The following SORCS3 variants were observed in gnomAD, a reference collection of about 807,000 sequenced individuals.
The protein encoded by SORCS3 is VPS10 domain-containing receptor SorCS3.
In SORCS3, 57 loss-of-function variants were observed where a neutral mutation model predicts 146.3. That is an observed-to-expected ratio of 0.39 (90% CI 0.31 to 0.49). SORCS3 has a LOEUF of 0.49. Among genes scored for constraint, SORCS3 ranks in the 20% least tolerant of loss-of-function variants. SORCS3 has a pLI of 0.92. For synonymous variants in SORCS3, 653 were observed against 618.5 expected, an observed-to-expected ratio of 1.06 and a Z score of -0.83; for missense variants, 1,341 against 1,575.5, an observed-to-expected ratio of 0.85 and a Z score of 2.52.
intron 20 of SORCS3, among the ~76,000 whole-genome samples, chr10:105,231,223 G>T (rs955924086): frequency 6.6e-6 from 1 of 152,138 alleles, no homozygotes; most frequent in Admixed American, 6.5e-5. Flanking sequence ...CACTATTTTT[G>T]TTTCTTCTTT....
intron 4 of SORCS3, among the ~76,000 whole-genome samples, chr10:104,985,885 A>C (rs1398138238): frequency 6.6e-6 from 1 of 152,208 alleles, no homozygotes; most frequent in Non-Finnish European, 1.5e-5. Context: ...ATGTGCTGTC[A>C]TGCAGGCTTT....
chr10:105,032,386 A>G (rs1377221919), intron 4 of SORCS3, among the ~76,000 whole-genome samples: 1 of 152,166 alleles, frequency 6.6e-6, no homozygotes, highest in Non-Finnish European at 1.5e-5. Context: ...TCAGTTAACC[A>G]CTACAACATA....
At chr10:104,724,821 C>T (rs935617806) in intron 1 of SORCS3, among the ~76,000 whole-genome samples, 1 of 152,208 alleles carries the variant, frequency 6.6e-6, no homozygotes, top group Non-Finnish European at 1.5e-5. Context: ...TGGTTTTCAG[C>T]TCCATCAGGT....
chr10:105,165,483 T>G (rs2056304771), intron 12 of SORCS3, among the ~76,000 whole-genome samples: 1 of 152,062 alleles, frequency 6.6e-6, no homozygotes, highest in African/African-American at 2.4e-5. Flanking sequence ...CCCCATTGCC[T>G]CCAGTGTCAG....
chr10:105,233,243 C>A (rs2930465), intron 20 of SORCS3, among the ~76,000 whole-genome samples: 152,199 of 152,216 alleles, frequency 1, 76,091 homozygotes, highest in Middle Eastern at 1. Flanking sequence ...AAAAATAATT[C>A]TAAATTCTTG....
At position 104,729,465 on chromosome 10, in the gene SORCS3, A is replaced by G. The variant is rs2016681505; in HGVS notation, c.627+87511A>G. ...TTCCTTTAATCAATGACAAAGAAAG[A>G]AATATGTAGGTGACATGAAGATGGG... On this transcript the variant is annotated intron_variant, in intron 1 of 26. Coordinates refer to ENST00000369701, the MANE Select transcript of SORCS3 (RefSeq NM_014978.3). Among the ~76,000 whole-genome samples, 3 of 152,248 alleles carry G rather than the reference A, an allele frequency of 2.0e-5. No individual in the cohort carries two copies. In the South Asian group the frequency reaches 6.2e-4, roughly 32 times the overall value.
chr10:105,070,850 G>A (rs1321329848), intron 5 of SORCS3, among the ~76,000 whole-genome samples: 1 of 152,196 alleles, frequency 6.6e-6, no homozygotes, highest in Non-Finnish European at 1.5e-5. Context: ...CTCAGCAAGT[G>A]AACAAATTGA....
At chr10:104,694,787 G>A (rs2016154460) in intron 1 of SORCS3, among the ~76,000 whole-genome samples, 1 of 152,164 alleles carries the variant, frequency 6.6e-6, no homozygotes, top group Non-Finnish European at 1.5e-5. Flanking sequence ...GCACATTTCT[G>A]TCTCAGAGTC....
At chr10:104,741,317 C>T (rs2016839932) in intron 1 of SORCS3, among the ~76,000 whole-genome samples, 1 of 151,782 alleles carries the variant, frequency 6.6e-6, no homozygotes, top group Non-Finnish European at 1.5e-5. Flanking sequence ...ACATTTGTTG[C>T]CCAACCATCA....
At position 104,971,659 on chromosome 10, in the gene SORCS3, C is replaced by T. The variant is rs180734274; in HGVS notation, c.796-5676C>T. Among the ~76,000 whole-genome samples the T allele has an allele frequency of 5.9e-5, 9 of 151,942 alleles. No individual in the cohort carries two copies. The East Asian group carries it at 7.8e-4, about 13-fold the overall frequency. ...CAGAGATTTAGGAGTTTTCCCAAGGCGGTGATGATTTTCAAAAGGAAAAGG... is the reference window on the plus strand; with the variant it reads ...CAGAGATTTAGGAGTTTTCCCAAGGTGGTGATGATTTTCAAAAGGAAAAGG... On this transcript the variant is annotated intron_variant, in intron 3 of 26. Transcript: ENST00000369701.
intron 1 of SORCS3, among the ~76,000 whole-genome samples, chr10:104,836,336 TA>T (rs756422287): frequency 1.3e-5 from 2 of 152,138 alleles, no homozygotes; most frequent in African/African-American, 4.8e-5. Flanking sequence ...CAGCAACCAT[TA>T]AAAAAATCAC....
intron 7 of SORCS3, among the ~76,000 whole-genome samples, chr10:105,130,737 T>G (rs1165228129): frequency 1.3e-5 from 2 of 152,172 alleles, no homozygotes; most frequent in Non-Finnish European, 2.9e-5. Context: ...AGCCATAGTA[T>G]GATGTTGGGT....
At chr10:104,888,869 C>T (rs1358561988) in intron 2 of SORCS3, among the ~76,000 whole-genome samples, 2 of 152,218 alleles carry the variant, frequency 1.3e-5, no homozygotes, top group Non-Finnish European at 2.9e-5. Context: ...ATTTGGGGGC[C>T]TCGAGGGCAA....
At chr10:105,098,351 C>T (rs966542010) in intron 6 of SORCS3, among the ~76,000 whole-genome samples, 1 of 152,232 alleles carries the variant, frequency 6.6e-6, no homozygotes, top group East Asian at 1.9e-4. Context: ...ATCAAAAAGT[C>T]AGAACATATA....
At chr10:105,247,748 AAAG>A (rs71880366) in intron 22 of SORCS3, among the ~76,000 whole-genome samples, 148,012 of 150,892 alleles carry the variant, frequency 0.98, 72,660 homozygotes, top group South Asian at 1. Context: ...ATTCTGTCAA[AAAG>A]AAGAAGAAGA....
In SORCS3 at chr10:105,004,047, T is replaced by C. The variant is rs894309310; in HGVS notation, c.954+26554T>C. ...AAGATCCAGGATGATTTCAGGGCAG[T>C]TATGGGAAGTTTCTCAGGTGTGATA... On this transcript the variant is annotated intron_variant, in intron 4 of 26. Transcript: ENST00000369701. Among the ~76,000 whole-genome samples the C allele has an allele frequency of 3.4e-5, 5 of 148,520 alleles. No homozygotes were observed. In the East Asian group the frequency reaches 9.7e-4, roughly 29 times the overall value.
intron 1 of SORCS3, among the ~76,000 whole-genome samples, chr10:104,677,079 G>T (rs1423808754): frequency 6.6e-6 from 1 of 152,224 alleles, no homozygotes; most frequent in Non-Finnish European, 1.5e-5. Flanking sequence ...TGGTTATCCA[G>T]TGGTCACTGG....
chr10:105,138,666 C>T (rs2056074777), intron 7 of SORCS3, among the ~76,000 whole-genome samples: 1 of 152,188 alleles, frequency 6.6e-6, no homozygotes, highest in South Asian at 2.1e-4. Flanking sequence ...GGCCAGAGGA[C>T]CATTTCTTGG....
chr10:104,816,683 T>A (rs2017801340), intron 1 of SORCS3, among the ~76,000 whole-genome samples: 1 of 152,084 alleles, frequency 6.6e-6, no homozygotes, highest in Non-Finnish European at 1.5e-5. Context: ...TAAAAACCAC[T>A]TTGTGGTGAG....
Sources: allele counts gnomAD v4.1 joint callset (sites outside exome capture counted in the v4.1 genomes callset), GRCh38; gene constraint gnomAD v4.1.1; transcripts MANE v1.5; gene names NCBI Gene and HGNC (gene_info 2026-07-23, HGNC 2026-07-21).